STIL: variants seen among roughly 807,000 people sequenced by gnomAD.
STIL encodes SCL-interrupting locus protein.
A neutral mutation model predicts 110.1 loss-of-function variants in STIL; 55 were observed. The ratio of observed to expected loss-of-function variants is 0.50; its 90% CI spans 0.40 to 0.63. The LOEUF is 0.63. Among genes scored for constraint, STIL ranks in the 20% least tolerant of loss-of-function variants. STIL has a pLI of 0.00. For missense variants in STIL, 1,358 were observed against 1,530.0 expected (o/e 0.89, Z 1.87); for synonymous variants, 481 against 530.0 (o/e 0.91, Z 1.27).
At chr1:47,311,283 C>CTTTTTTTTTTTTTTTTTTTTTTT (rs536667689) in intron 1 of STIL, among the ~76,000 whole-genome samples, 1 of 132,232 alleles carries the variant, frequency 7.6e-6, no homozygotes. Context: ...TTCTTTTTTT[C>CTTTTTTTTTTTTTTTTTTTTTTT]TTTTTTTTTT....
chr1:47,281,045 A>G lies in STIL; in HGVS notation c.1413T>C (p.Asp471=). 1.2e-6 allele frequency: 2 copies of G among 1,613,192 alleles called. No homozygotes were observed. Among genetic ancestry groups the G allele is most frequent in the Non-Finnish European group, 1.7e-6 (2 of 1,179,234 alleles). ...CTTCAACTTCTGGACTGTGTTTCTCATCATAAAGCTGGGGTTGCAATGGCT... is the reference window on the plus strand; with the variant it reads ...CTTCAACTTCTGGACTGTGTTTCTCGTCATAAAGCTGGGGTTGCAATGGCT... ...HLKPLQPQLY[D]EKHSPEVEAG... is the part of the protein sequence containing the mutation. Residue 471 remains aspartate, a synonymous_variant, in exon 12 of 17, where the codon GAT becomes GAC. Transcript: ENST00000371877.
chr1:47,278,800 TA>T (rs1234942797), intron 12 of STIL, among the ~76,000 whole-genome samples: 24 of 145,574 alleles, frequency 1.6e-4, no homozygotes, highest in South Asian at 2.2e-4. Context: ...ACCTTTTCTC[TA>T]AAAAAAAAAG....
intron 6 of STIL, among the ~76,000 whole-genome samples, chr1:47,296,501 A>G (rs1645645094): frequency 6.6e-6 from 1 of 152,206 alleles, no homozygotes; most frequent in South Asian, 2.1e-4. Flanking sequence ...TCTTTCTTCA[A>G]AAACAATGCC....
chr1:47,262,383 C>T (rs750671942), intron 15 of STIL, among the ~76,000 whole-genome samples: 1 of 152,196 alleles, frequency 6.6e-6, no homozygotes, highest in African/African-American at 2.4e-5. Context: ...TTGCTTTACA[C>T]TACTACTCCT....
rs748761161 is a variant in STIL, at chr1:47,281,181, T to C, written c.1277A>G (p.Glu426Gly). The C allele has an allele frequency of 6.2e-7, 1 of 1,613,262 alleles. No individual in the cohort carries two copies. The highest frequency in any genetic ancestry group is 1.3e-5 in the African/African-American group (1 of 74,872). ...ATTGCCATCCAACACAAGTGAAAGT[T>C]CAGGAACTGATGGTTGGATCTTAGA... Reference protein sequence around the residue: ...KISKIQPSVPELSLVLDGNFI... With the variant: ...KISKIQPSVPGLSLVLDGNFI... The change falls in exon 12 of 17, where the codon GAA becomes GGA. Residue 426 changes from glutamate (E) to glycine (G), a missense_variant. Coordinates refer to ENST00000371877, the MANE Select transcript of STIL (RefSeq NM_001048166.1).
At chr1:47,310,526 C>T (rs190507021) in intron 1 of STIL, among the ~76,000 whole-genome samples, 164 bp from the exon 2 acceptor site, 1 of 152,126 alleles carries the variant, frequency 6.6e-6, no homozygotes, top group African/African-American at 2.4e-5. Context: ...CATTTTCATA[C>T]GTTAGAGTCA....
intron 12 of STIL, among the ~76,000 whole-genome samples, chr1:47,274,732 A>G (rs1310896004): frequency 1.3e-5 from 2 of 152,006 alleles, no homozygotes; most frequent in East Asian, 3.9e-4. Context: ...AAGTTGGAAT[A>G]TTGAAATATA....
At chr1:47,261,704 C>T (rs921271995) in intron 15 of STIL, among the ~76,000 whole-genome samples, 2 of 149,572 alleles carry the variant, frequency 1.3e-5, no homozygotes, top group African/African-American at 5.0e-5. Context: ...CATGTCACTG[C>T]ATTCCAGCCT....
rs1644169486 is a variant in STIL at position 47,251,123 on chromosome 1, G to C, written c.*13C>G. ...ACCCTGTCCCTGTATTAAAAGGGCA[G>C]GGAGTTAAAAGGTTAAAATAATTTT... On this transcript the variant is annotated 3_prime_UTR_variant, in exon 17 of 17. Transcript: ENST00000371877. 6.2e-7 allele frequency: 1 copy of C among 1,612,274 alleles called. No homozygotes were observed. Among genetic ancestry groups the C allele is most frequent in the Admixed American group, 1.7e-5 (1 of 59,888 alleles).
chr1:47,310,219 C>T (rs2149275104), intron 2 of STIL, 57 bp downstream of exon 2: 1 of 1,542,936 alleles, frequency 6.5e-7, no homozygotes, highest in Non-Finnish European at 8.9e-7. Flanking sequence ...TTCCAACCTA[C>T]CTTCCCAAGT....
intron 9 of STIL, among the ~76,000 whole-genome samples, chr1:47,288,920 G>A (rs1016120117): frequency 1.3e-5 from 2 of 148,926 alleles, no homozygotes; most frequent in Admixed American, 1.3e-4. Flanking sequence ...AAAATAGCCA[G>A]GTGTGATGGT....
Position 47,289,587 on chromosome 1 carries a change from T to C in STIL, c.873-2A>G. The C allele has an allele frequency of 6.2e-7, 1 of 1,612,694 alleles. No homozygotes were observed. The highest frequency in any genetic ancestry group is 8.5e-7 in the Non-Finnish European group (1 of 1,178,916). Reference sequence around the variant, plus strand: ...AAATTTCCAGATTCTGAAAAAACCCTGCACAAAAAAAGTCATTTAATTAAA... The same window carrying C: ...AAATTTCCAGATTCTGAAAAAACCCCGCACAAAAAAAGTCATTTAATTAAA... On this transcript the variant is annotated splice_acceptor_variant, in intron 8 of 16. Transcript: ENST00000371877. LOFTEE classifies it high-confidence loss of function.
At position 47,251,770 on chromosome 1, in the gene STIL, A is replaced by G; in HGVS notation, c.3233T>C (p.Leu1078Pro). The change falls in exon 17 of 17, where the codon CTG becomes CCG. Residue 1078 changes from leucine to proline, a missense_variant. Coordinates refer to ENST00000371877, the MANE Select transcript of STIL (RefSeq NM_001048166.1). ...IALKYLNENQ[L>P]SQLSVTRSNQ... ...CGATCGAGTGACAGACAGTTGTGAC[A>G]GCTGATTTTCATTTAAATATTTCAG... 1 of 1,613,674 alleles carries G rather than the reference A, an allele frequency of 6.2e-7. No individual in the cohort carries two copies. Among genetic ancestry groups the G allele is most frequent in the Non-Finnish European group, 8.5e-7 (1 of 1,179,852 alleles).
rs184344156 is a variant in STIL at position 47,278,286 on chromosome 1, C to A, written c.2217+1955G>T. Reference sequence around the variant, plus strand: ...TCTATCATTATGATAGAAACCCATGCAGGGTAAGGGAGTTCTATATATACT... The same window carrying A: ...TCTATCATTATGATAGAAACCCATGAAGGGTAAGGGAGTTCTATATATACT... On this transcript the variant is annotated intron_variant, in intron 12 of 16. Coordinates refer to ENST00000371877, the MANE Select transcript of STIL (RefSeq NM_001048166.1). Among the ~76,000 whole-genome samples, 697 of 152,016 alleles carry A rather than the reference C, an allele frequency of 4.6e-3. 2 individuals are homozygous for A. Among genetic ancestry groups the A allele is most frequent in the Non-Finnish European group, 7.0e-3 (474 of 67,988 alleles).
chr1:47,282,404 C>A lies in STIL; in HGVS notation c.1189G>T (p.Val397Phe), dbSNP rs775694881. Residue 397 changes from valine to phenylalanine, a missense_variant, in exon 11 of 17, where the codon GTT becomes TTT. Transcript: ENST00000371877. Reference protein sequence around the residue: ...KMPIHDHDSGVEDEDFSPRPI... With the variant: ...KMPIHDHDSGFEDEDFSPRPI... ...CTTGGAGAAAAATCTTCATCTTCAACACCAGAGTCGTGATCATGTATTGGC... is the reference window on the plus strand; with the variant it reads ...CTTGGAGAAAAATCTTCATCTTCAAAACCAGAGTCGTGATCATGTATTGGC... 3.7e-6 allele frequency: 6 copies of A among 1,613,204 alleles called. No homozygotes were observed. The East Asian group carries it at 8.9e-5, about 24-fold the overall frequency.
At chr1:47,262,670 T>C (rs891810814) in intron 15 of STIL, among the ~76,000 whole-genome samples, 4 of 152,220 alleles carry the variant, frequency 2.6e-5, no homozygotes, top group Non-Finnish European at 4.4e-5. Flanking sequence ...AATATCAATA[T>C]TTATACTTTA....
chr1:47,264,650 G>A (rs11211496), intron 14 of STIL, among the ~76,000 whole-genome samples: 14,045 of 152,066 alleles, frequency 0.092, 2,133 homozygotes, highest in African/African-American at 0.32. Flanking sequence ...ACATCTAAGG[G>A]GGACTGGAAG....
intron 3 of STIL, among the ~76,000 whole-genome samples, chr1:47,304,410 T>A (rs762554637): frequency 6.6e-6 from 1 of 152,294 alleles, no homozygotes; most frequent in East Asian, 1.9e-4. Flanking sequence ...CTCCCCGCCA[T>A]AATCTATCCT....
Position 47,300,161 on chromosome 1 carries a change from T to C in STIL, c.454-9A>G. The C allele has an allele frequency of 1.2e-6, 2 of 1,611,562 alleles. No individual in the cohort carries two copies. The highest frequency in any genetic ancestry group is 2.2e-5 in the East Asian group (1 of 44,814). Reference sequence around the variant, plus strand: ...ATATGGCACTGTAGAGCCTGAGAAATCAATATTAAATAATTATTTTAAAAC... The same window carrying C: ...ATATGGCACTGTAGAGCCTGAGAAACCAATATTAAATAATTATTTTAAAAC... On this transcript the variant is annotated splice_polypyrimidine_tract_variant and intron_variant, in intron 5 of 16. Transcript: ENST00000371877.
Sources: gnomAD v4.1 joint callset for allele counts (sites outside exome capture counted in the v4.1 genomes callset) on GRCh38, gnomAD v4.1.1 for gene constraint, MANE v1.5 for transcripts, NCBI Gene and HGNC (gene_info 2026-07-23, HGNC 2026-07-21) for gene names.